PI4K2A: variants seen among roughly 807,000 people sequenced by gnomAD.
The protein encoded by PI4K2A is phosphatidylinositol 4-kinase type 2 alpha.
Under a neutral mutation model 55.0 loss-of-function variants are expected in PI4K2A, and 20 were observed. The observed-to-expected ratio is 0.36, with a 90% CI of 0.26 to 0.53. The LOEUF (loss-of-function observed/expected upper bound fraction) is 0.53, where lower values mean the gene tolerates loss of function less well. Among genes scored for constraint, PI4K2A ranks in the 20% least tolerant of loss-of-function variants. The pLI is 0.91. For missense variants in PI4K2A, 463 were observed against 637.1 expected (o/e 0.73, Z 2.94); for synonymous variants, 235 against 258.5 (o/e 0.91, Z 0.87).
chr10:97,665,427 A>C (rs2041605012), intron 6 of PI4K2A, among the ~76,000 whole-genome samples: 2 of 151,936 alleles, frequency 1.3e-5, no homozygotes, highest in Non-Finnish European at 2.9e-5. Context: ...GGCATGCGCC[A>C]CCACGCCCGG....
At chr10:97,663,870 G>T (rs545167787) in intron 5 of PI4K2A, among the ~76,000 whole-genome samples, 1 of 148,436 alleles carries the variant, frequency 6.7e-6, no homozygotes, top group Admixed American at 6.7e-5. Context: ...GCTCTGTTGC[G>T]CAGGCTGGAG....
chr10:97,642,787 GGCTT>G (rs200785141), intron 1 of PI4K2A, among the ~76,000 whole-genome samples: 1 of 145,280 alleles, frequency 6.9e-6, no homozygotes, highest in African/African-American at 2.5e-5. Flanking sequence ...GTCAGCCAGA[GGCTT>G]GCTTGCTTTC....
intron 1 of PI4K2A, among the ~76,000 whole-genome samples, chr10:97,643,841 C>G (rs1012524438): frequency 6.6e-6 from 1 of 152,192 alleles, no homozygotes; most frequent in Non-Finnish European, 1.5e-5. Flanking sequence ...CCTTTAAGTG[C>G]TTTACAAATA....
intron 4 of PI4K2A, among the ~76,000 whole-genome samples, chr10:97,659,440 C>T (rs538582300): frequency 6.6e-6 from 1 of 151,628 alleles, no homozygotes; most frequent in South Asian, 2.1e-4. Flanking sequence ...TGCACCTACA[C>T]AATCATATCT....
chr10:97,651,735 T>C (rs562916030), intron 2 of PI4K2A, among the ~76,000 whole-genome samples: 1 of 152,334 alleles, frequency 6.6e-6, no homozygotes, highest in South Asian at 2.1e-4. Flanking sequence ...ACATCTTGTA[T>C]GTGTTATAGA....
At chr10:97,671,708 C>T (rs959471615) in intron 8 of PI4K2A, among the ~76,000 whole-genome samples, 4 of 152,062 alleles carry the variant, frequency 2.6e-5, no homozygotes, top group African/African-American at 7.2e-5. Context: ...GGCACAATCT[C>T]ACCTCACTGA....
Position 97,649,073 on chromosome 10 carries a change from A to C in PI4K2A, c.436-1868A>C, listed in dbSNP as rs1188062079. Among the ~76,000 whole-genome samples, 3 of 152,316 alleles carry C rather than the reference A, an allele frequency of 2.0e-5. No homozygotes were observed. The East Asian group carries it at 5.8e-4, about 29-fold the overall frequency. On this transcript the variant is annotated intron_variant, in intron 1 of 8. Transcript: ENST00000370631. ...ATGGACCTAGCTAGTTCCTAATATG[A>C]GTACTGAGTTGGTAAAAGCAGATGG...
At chr10:97,640,720 T>G in exon 1 of PI4K2A, 3 of 1,452,906 alleles carry the variant, frequency 2.1e-6, no homozygotes, top group Non-Finnish European at 2.7e-6. Context: ...GCGCGCCGGG[T>G]CCCGGAGCCG....
exon 2 of PI4K2A, chr10:97,651,135 T>C: frequency 6.2e-7 from 1 of 1,612,288 alleles, no homozygotes; most frequent in Middle Eastern, 2.0e-4. Context: ...TTGTTCCCCG[T>C]ACAAAGGTCA....
At position 97,656,654 on chromosome 10, in the gene PI4K2A, A is replaced by G. The variant is rs1379702191; in HGVS notation, c.769-167A>G. Reference sequence around the variant, plus strand: ...AATTTGGATGGATGATCACTGTTACATCTCTTTTCTCCTGTACTTGCAAGA... The same window carrying G: ...AATTTGGATGGATGATCACTGTTACGTCTCTTTTCTCCTGTACTTGCAAGA... On this transcript the variant is annotated intron_variant, in intron 3 of 8. Transcript: ENST00000370631. The surrounding 1 kb of genome is among the most constrained non-coding windows in gnomAD (Gnocchi z 4.5). 6.6e-6 allele frequency among the ~76,000 whole-genome samples: 1 copy of G among 152,152 alleles called. No individual in the cohort carries two copies.
At chr10:97,675,593 C>T (rs568637686) in exon 9 of PI4K2A, 2 of 152,616 alleles carry the variant, frequency 1.3e-5, no homozygotes, top group East Asian at 3.9e-4. Context: ...AAGTGCCCAT[C>T]TGGTGCTCAA....
exon 1 of PI4K2A, chr10:97,640,811 C>T (rs1380368627): frequency 1.4e-6 from 2 of 1,470,776 alleles, no homozygotes; most frequent in Non-Finnish European, 1.8e-6. Flanking sequence ...TCCCGTCGGG[C>T]TCGGGCGCTC....
intron 1 of PI4K2A, 52 bp downstream of exon 1, chr10:97,641,229 C>G (rs111653180): frequency 0.012 from 16,795 of 1,403,482 alleles, 166 homozygotes; most frequent in South Asian, 0.023. Flanking sequence ...GGCGGCGCTC[C>G]TGGGGAGTTG....
chr10:97,650,296 T>TTTTTTTTTA, intron 1 of PI4K2A, among the ~76,000 whole-genome samples: 1 of 149,890 alleles, frequency 6.7e-6, no homozygotes, highest in Non-Finnish European at 1.5e-5. Flanking sequence ...TTTTTTTTTG[T>TTTTTTTTTA]GAGACAGGGT....
exon 1 of PI4K2A, chr10:97,640,813 C>T (rs1338586766): frequency 2.0e-6 from 3 of 1,464,604 alleles, no homozygotes; most frequent in African/African-American, 2.9e-5. Flanking sequence ...CCGTCGGGCT[C>T]GGGCGCTCAC....
intron 6 of PI4K2A, among the ~76,000 whole-genome samples, chr10:97,665,702 C>T (rs1221954617): frequency 6.6e-6 from 1 of 152,102 alleles, no homozygotes; most frequent in African/African-American, 2.4e-5. Context: ...ACACCATTCT[C>T]CTGCCTCAGC....
At chr10:97,642,876 T>TCTTTCTTC (rs2041483053) in intron 1 of PI4K2A, among the ~76,000 whole-genome samples, 3 of 123,344 alleles carry the variant, frequency 2.4e-5, no homozygotes, top group Non-Finnish European at 3.4e-5. Flanking sequence ...TTTCTTTCTT[T>TCTTTCTTC]CTTTCTTTCT....
intron 8 of PI4K2A, among the ~76,000 whole-genome samples, chr10:97,670,042 G>A (rs1157352348): frequency 3.9e-5 from 6 of 152,040 alleles, no homozygotes; most frequent in Non-Finnish European, 8.8e-5. Flanking sequence ...GAGTAGCTGG[G>A]ACCACAGGCA....
intron 8 of PI4K2A, among the ~76,000 whole-genome samples, chr10:97,668,912 C>CT (rs2041622588): frequency 6.6e-6 from 1 of 152,012 alleles, no homozygotes; most frequent in African/African-American, 2.4e-5. Context: ...GTCACCCAGG[C>CT]TGGAGTGCAG....
Sources: allele counts gnomAD v4.1 joint callset (sites outside exome capture counted in the v4.1 genomes callset), GRCh38; gene constraint gnomAD v4.1.1; non-coding constraint Gnocchi (gnomAD v3.1); transcripts MANE v1.5; gene names NCBI Gene and HGNC (gene_info 2026-07-23, HGNC 2026-07-21).